PCDHGA1: variants seen among roughly 807,000 people sequenced by gnomAD.
PCDHGA1 encodes the protein protocadherin gamma-A1.
Under a neutral mutation model 58.0 loss-of-function variants are expected in PCDHGA1, and 32 were observed. The ratio of observed to expected loss-of-function variants is 0.55; its 90% CI spans 0.42 to 0.74. The LOEUF (loss-of-function observed/expected upper bound fraction) is 0.74. Among genes scored for constraint, PCDHGA1 ranks in the 30% least tolerant of loss-of-function variants. PCDHGA1 has a pLI of 0.00. For missense variants in PCDHGA1, 1,205 were observed against 1,182.3 expected (o/e 1.02, Z -0.28); for synonymous variants, 498 against 501.1 (o/e 0.99, Z 0.08).
Position 141,351,673 on chromosome 5 carries a change from C to T in PCDHGA1, c.2421+18568C>T, listed in dbSNP as rs746872217. On this transcript the variant is annotated intron_variant, in intron 1 of 3. Transcript: ENST00000517417. ...CTGGCGCCTCCATTGCACAAGTAAG[C>T]GCCTCCGACCCGGATTTGGGACCCA... The T allele has an allele frequency of 6.8e-6, 11 of 1,613,884 alleles. No homozygotes were observed. In the East Asian group the frequency reaches 8.9e-5, roughly 13 times the overall value.
rs1471863168 is a variant in PCDHGA1, at chr5:141,476,550, G to A, written c.2422-18257G>A. ...ACCCAGGAAATGAAATTGGAGATTA[G>A]CGAGGCCGTGGCTCCGGGGACGCGC... On this transcript the variant is annotated intron_variant, in intron 1 of 3. Transcript: ENST00000517417. The surrounding 1 kb of genome is among the most constrained non-coding windows in gnomAD (Gnocchi z 7.6). 1.2e-6 allele frequency: 2 copies of A among 1,614,110 alleles called. No individual in the cohort carries two copies. The highest frequency in any genetic ancestry group is 4.5e-5 in the East Asian group (2 of 44,884).
chr5:141,419,571 G>C, intron 1 of PCDHGA1: 1 of 1,611,704 alleles, frequency 6.2e-7, no homozygotes. Context: ...GGTCCCGACG[G>C]CTCCGCGCTC....
intron 1 of PCDHGA1, chr5:141,340,422 A>AT: frequency 6.2e-7 from 1 of 1,614,196 alleles, no homozygotes; most frequent in Non-Finnish European, 8.5e-7. Context: ...AGCAACGACA[A>AT]TGCTCATGTA....
intron 1 of PCDHGA1, chr5:141,350,979 G>T (rs1242967031): frequency 5.0e-6 from 8 of 1,613,950 alleles, no homozygotes; most frequent in Non-Finnish European, 6.8e-6. Flanking sequence ...CCCGTGTTTA[G>T]CCAGGAGGTA....
chr5:141,346,468 T>C, intron 1 of PCDHGA1: 1 of 1,613,962 alleles, frequency 6.2e-7, no homozygotes, highest in Non-Finnish European at 8.5e-7. Context: ...GTGAGTTTAT[T>C]TATTTCTTTG....
At position 141,410,774 on chromosome 5, in the gene PCDHGA1, C is replaced by T; in HGVS notation, c.2421+77669C>T. 4 of 955,126 alleles carry T rather than the reference C, an allele frequency of 4.2e-6. No individual in the cohort carries two copies. The South Asian group carries it at 6.1e-5, about 15-fold the overall frequency. The allele number at this position is 955,126 out of a possible 1,614,324, so 59.2% of individuals were successfully genotyped here. ...AATGTTTTTTCAATTATAGTTTTCA[C>T]TATGTATTTGGTTCATAAGTTGCTC... On this transcript the variant is annotated intron_variant, in intron 1 of 3. Coordinates refer to ENST00000517417, the MANE Select transcript of PCDHGA1 (RefSeq NM_018912.3).
intron 1 of PCDHGA1, chr5:141,415,677 C>T (rs375781400): frequency 4.7e-6 from 7 of 1,499,248 alleles, no homozygotes; most frequent in Middle Eastern, 1.8e-4. Flanking sequence ...TTGAAGTTTG[C>T]GGCATGATGG....
At chr5:141,419,751 C>T (rs140649685) in intron 1 of PCDHGA1, 1 of 1,613,900 alleles carries the variant, frequency 6.2e-7, no homozygotes, top group African/African-American at 1.3e-5. Flanking sequence ...ATGGTGCGTG[C>T]TTTGGGTGAC....
chr5:141,423,264 C>T (rs1452323474), intron 1 of PCDHGA1: 6 of 1,613,868 alleles, frequency 3.7e-6, no homozygotes, highest in Non-Finnish European at 5.1e-6. Context: ...TCGGCAGCCT[C>T]GAGTCTCTGG....
Position 141,426,411 on chromosome 5 carries a change from C to A in PCDHGA1, c.2422-68396C>A, listed in dbSNP as rs1561821998. 10 of 286,096 alleles carry A rather than the reference C, an allele frequency of 3.5e-5. No homozygotes were observed. In the South Asian group the frequency reaches 3.7e-4, roughly 11 times the overall value. The allele number at this position is 286,096 out of a possible 1,614,324, so 17.7% of individuals were successfully genotyped here. On this transcript the variant is annotated intron_variant, in intron 1 of 3. Coordinates refer to ENST00000517417, the MANE Select transcript of PCDHGA1 (RefSeq NM_018912.3). ...GCTACTCTATTCCAGAAGAAACGGT[C>A]CAGGGCTCCGTGGTGGGGAACCTTG... is the stretch of plus-strand genomic sequence containing the variant.
intron 1 of PCDHGA1, chr5:141,441,037 A>G (rs1318122240): frequency 6.6e-6 from 1 of 152,194 alleles, no homozygotes; most frequent in Admixed American, 6.5e-5. Context: ...GAAAACTTTA[A>G]GTACATTGGA....
At chr5:141,351,532 C>CA in intron 1 of PCDHGA1, 2 of 1,614,046 alleles carry the variant, frequency 1.2e-6, no homozygotes, top group Non-Finnish European at 1.7e-6. Flanking sequence ...CCGACAAGGG[C>CA]AAACCAGCCC....
intron 1 of PCDHGA1, chr5:141,355,396 A>T (rs1561508735): frequency 6.2e-7 from 1 of 1,614,080 alleles, no homozygotes; most frequent in Non-Finnish European, 8.5e-7. Context: ...CGGAGTCCGC[A>T]TCGTCTCCAG....
At chr5:141,375,731 C>T (rs370856492) in intron 1 of PCDHGA1, 146 of 1,614,138 alleles carry the variant, frequency 9.0e-5, no homozygotes, top group Non-Finnish European at 1.2e-4. Context: ...GTCACTGAGC[C>T]TGTTTGTGCT....
chr5:141,356,117 G>C, intron 1 of PCDHGA1: 1 of 1,613,870 alleles, frequency 6.2e-7, no homozygotes, highest in Non-Finnish European at 8.5e-7. Flanking sequence ...ATATTGGGGG[G>C]TCTAGATTAT....
intron 1 of PCDHGA1, chr5:141,378,226 T>C (rs1774724615): frequency 6.6e-6 from 1 of 152,206 alleles, no homozygotes; most frequent in Admixed American, 6.5e-5. Context: ...TGCCTGATAG[T>C]ATTTAAGAGT....
rs1244735686 is a variant in PCDHGA1 at position 141,432,142 on chromosome 5, C to A, written c.2422-62665C>A. 1 of 1,614,098 alleles carries A rather than the reference C, an allele frequency of 6.2e-7. No homozygotes were observed. The highest frequency in any genetic ancestry group is 1.1e-5 in the South Asian group (1 of 91,066). On this transcript the variant is annotated intron_variant, in intron 1 of 3. Transcript: ENST00000517417. This position sits in a 1 kb window ranked among gnomAD's most constrained non-coding sequence, Gnocchi z 6.0. ...CTCAGGCCTCCTATTCCGCTTATAT[C>A]CCAGAGAACAATCCCAGAGGAGTTT...
At chr5:141,341,337 A>AT (rs773910293) in intron 1 of PCDHGA1, 129 of 1,614,208 alleles carry the variant, frequency 8.0e-5, no homozygotes, top group Middle Eastern at 1.6e-4. Flanking sequence ...GAGAAAAAGG[A>AT]TTTTTTATCA....
At chr5:141,402,870 C>G in intron 1 of PCDHGA1, 1 of 1,449,300 alleles carries the variant, frequency 6.9e-7, no homozygotes, top group Non-Finnish European at 9.1e-7. Flanking sequence ...AAAAGATCAC[C>G]ATACTTTGCA....
Sources: gnomAD v4.1 joint callset for allele counts on GRCh38, gnomAD v4.1.1 for gene constraint, Gnocchi (gnomAD v3.1) non-coding constraint, MANE v1.5 for transcripts, NCBI Gene and HGNC (gene_info 2026-07-23, HGNC 2026-07-21) for gene names.